GTF2F2: variants seen among roughly 807,000 people sequenced by gnomAD.
The protein encoded by GTF2F2 is general transcription factor IIF subunit 2.
GTF2F2 carries 23 observed loss-of-function variants against 42.2 expected under a neutral mutation model. The ratio of observed to expected loss-of-function variants is 0.55; its 90% CI spans 0.39 to 0.77. The LOEUF (loss-of-function observed/expected upper bound fraction) is 0.77, where lower values mean the gene tolerates loss of function less well. Ranked by LOEUF, GTF2F2 falls within the 30% of genes least tolerant of loss-of-function variation. GTF2F2 has a pLI of 0.00. For synonymous variants in GTF2F2, 105 were observed against 100.8 expected (o/e 1.04, Z -0.25); for missense variants, 261 against 287.2 (o/e 0.91, Z 0.66).
chr13:45,198,027 TAACTC>T (rs1872988697), intron 4 of GTF2F2, among the ~76,000 whole-genome samples: 1 of 152,266 alleles, frequency 6.6e-6, no homozygotes, highest in Non-Finnish European at 1.5e-5. Context: ...CTCAGTACCT[TAACTC>T]TTTATTAGAG....
chr13:45,168,185 CA>C (rs1871394428), intron 4 of GTF2F2, among the ~76,000 whole-genome samples: 1 of 152,224 alleles, frequency 6.6e-6, no homozygotes, highest in Non-Finnish European at 1.5e-5. Context: ...AAGTTTGGGA[CA>C]GACTCCTATA....
chr13:45,274,360 T>G (rs892184037), intron 7 of GTF2F2, among the ~76,000 whole-genome samples: 1 of 134,760 alleles, frequency 7.4e-6, no homozygotes, highest in African/African-American at 3.0e-5. Flanking sequence ...GGAGTCTCGC[T>G]CTGTCACCCA....
intron 1 of GTF2F2, among the ~76,000 whole-genome samples, chr13:45,129,538 G>C (rs1869226397): frequency 6.6e-6 from 1 of 152,166 alleles, no homozygotes; most frequent in Admixed American, 6.5e-5. Context: ...GTGGATCTCT[G>C]AACTGAGACT....
intron 6 of GTF2F2, among the ~76,000 whole-genome samples, chr13:45,262,662 G>A (rs907933770): frequency 7.2e-5 from 11 of 151,924 alleles, no homozygotes; most frequent in Non-Finnish European, 1.3e-4. Flanking sequence ...CAAGCGATCC[G>A]CCCACCCCAG....
chr13:45,180,606 G>T (rs1872105954), intron 4 of GTF2F2, among the ~76,000 whole-genome samples: 1 of 151,952 alleles, frequency 6.6e-6, no homozygotes. Flanking sequence ...AGTTTTGTGT[G>T]TTTGTAGCCA....
intron 7 of GTF2F2, 62 bp from the exon 8 acceptor site, chr13:45,283,377 CTTA>C (rs1392626844): frequency 2.1e-6 from 3 of 1,436,474 alleles, no homozygotes; most frequent in Non-Finnish European, 2.8e-6. Flanking sequence ...GGCATATCAT[CTTA>C]TTTTAAGTTT....
At chr13:45,153,176 AT>A (rs563596862) in intron 4 of GTF2F2, among the ~76,000 whole-genome samples, 4,454 of 141,442 alleles carry the variant, frequency 0.031, 155 homozygotes, top group African/African-American at 0.091. Context: ...TGCCCGGCTA[AT>A]TTTTTTTTTT....
intron 4 of GTF2F2, among the ~76,000 whole-genome samples, chr13:45,181,857 A>G (rs1247194490): frequency 1.1e-4 from 17 of 152,130 alleles, no homozygotes. Context: ...GTGTACAAAA[A>G]GCTAGCGGTA....
intron 5 of GTF2F2, among the ~76,000 whole-genome samples, chr13:45,233,799 G>C (rs1874809951): frequency 6.6e-6 from 1 of 152,116 alleles, no homozygotes; most frequent in African/African-American, 2.4e-5. Context: ...TGTAGTCCCA[G>C]CTACTCAAGA....
At chr13:45,261,631 CT>C (rs1876348636) in intron 6 of GTF2F2, among the ~76,000 whole-genome samples, 1 of 152,034 alleles carries the variant, frequency 6.6e-6, no homozygotes, top group Admixed American at 6.6e-5. Flanking sequence ...GCTGTTTCTA[CT>C]CCAGTCTTAC....
At chr13:45,174,878 A>G (rs1871796657) in intron 4 of GTF2F2, among the ~76,000 whole-genome samples, 1 of 152,132 alleles carries the variant, frequency 6.6e-6, no homozygotes, top group African/African-American at 2.4e-5. Context: ...ATTTTGGTAC[A>G]TATGTACAAT....
chr13:45,276,172 G>C (rs991841804), intron 7 of GTF2F2, among the ~76,000 whole-genome samples: 1 of 152,184 alleles, frequency 6.6e-6, no homozygotes, highest in South Asian at 2.1e-4. Flanking sequence ...CCATGGACTT[G>C]TAACGCAAGA....
At chr13:45,240,975 CAAAAA>C (rs1210038157) in intron 5 of GTF2F2, among the ~76,000 whole-genome samples, 11 of 106,500 alleles carry the variant, frequency 1.0e-4, no homozygotes, top group South Asian at 3.1e-4. Flanking sequence ...CCTGTTATTA[CAAAAA>C]AAAAAAAAAA....
intron 5 of GTF2F2, among the ~76,000 whole-genome samples, chr13:45,243,464 C>G (rs899444529): frequency 2.0e-5 from 3 of 152,170 alleles, no homozygotes; most frequent in African/African-American, 7.2e-5. Flanking sequence ...GGAACAGTTT[C>G]ATTTGCCACA....
intron 5 of GTF2F2, among the ~76,000 whole-genome samples, chr13:45,234,738 T>C (rs1043964723): frequency 5.9e-5 from 9 of 152,090 alleles, no homozygotes; most frequent in African/African-American, 2.2e-4. Flanking sequence ...AAATATGCAC[T>C]TTGGGCAGCT....
At chr13:45,186,271 G>A (rs969350326) in intron 4 of GTF2F2, among the ~76,000 whole-genome samples, 7 of 139,696 alleles carry the variant, frequency 5.0e-5, no homozygotes, top group Non-Finnish European at 7.6e-5. Context: ...CCCGGCACCT[G>A]GCCTATTTTT....
At chr13:45,274,620 C>T (rs1322211385) in intron 7 of GTF2F2, among the ~76,000 whole-genome samples, 4 of 152,134 alleles carry the variant, frequency 2.6e-5, no homozygotes, top group Non-Finnish European at 5.9e-5. Context: ...TGAGCCACCA[C>T]GCCCGACCAA....
chr13:45,177,670 A>G (rs1268250276), intron 4 of GTF2F2, among the ~76,000 whole-genome samples: 1 of 152,208 alleles, frequency 6.6e-6, no homozygotes, highest in Non-Finnish European at 1.5e-5. Flanking sequence ...CAATTCAGAT[A>G]TGCCAAAGAG....
At chr13:45,247,847 C>A (rs1322340830) in intron 5 of GTF2F2, among the ~76,000 whole-genome samples, 1 of 138,504 alleles carries the variant, frequency 7.2e-6, no homozygotes, top group Non-Finnish European at 1.5e-5. Flanking sequence ...TGTTGTTTGT[C>A]TGTTCATTTG....
Sources: allele counts gnomAD v4.1 joint callset (sites outside exome capture counted in the v4.1 genomes callset), GRCh38; gene constraint gnomAD v4.1.1; transcripts MANE v1.5; gene names NCBI Gene and HGNC (gene_info 2026-07-23, HGNC 2026-07-21).